MALRD1: variants seen among roughly 807,000 people sequenced by gnomAD.
MALRD1 encodes MAM and LDL receptor class A domain containing 1, also known as MAM and LDL-receptor class A domain-containing protein 1.
MALRD1 carries 247 observed loss-of-function variants against 242.1 expected under a neutral mutation model. The ratio of observed to expected loss-of-function variants is 1.02; its 90% CI spans 0.92 to 1.13. The LOEUF is 1.13. MALRD1 is among the 50% of genes most tolerant of loss of function. The probability of loss-of-function intolerance (pLI) is 0.00; values close to 1 mark genes in which losing one functional copy is unlikely to be tolerated. For missense variants in MALRD1, 2,989 were observed against 2,533.1 expected (o/e 1.18, Z -3.86); for synonymous variants, 995 against 866.6 (o/e 1.15, Z -2.60).
intron 19 of MALRD1, among the ~76,000 whole-genome samples, chr10:19,275,656 G>A (rs541736472): frequency 6.6e-6 from 1 of 152,022 alleles, no homozygotes; most frequent in Non-Finnish European, 1.5e-5. Flanking sequence ...GCGACAGAGC[G>A]AGACTCTGTC....
intron 28 of MALRD1, among the ~76,000 whole-genome samples, chr10:19,433,789 G>C (rs1834241821): frequency 1.3e-5 from 2 of 152,016 alleles, no homozygotes; most frequent in South Asian, 4.1e-4. Context: ...ACAGACAGGG[G>C]CAAATAATGG....
intron 38 of MALRD1, among the ~76,000 whole-genome samples, chr10:19,725,342 T>C (rs1033163154): frequency 1.3e-5 from 2 of 152,150 alleles, no homozygotes; most frequent in Admixed American, 1.3e-4. Flanking sequence ...GACGGGGCTT[T>C]TCCGGCTTTT....
chr10:19,370,397 T>A (rs1413188854), intron 26 of MALRD1, among the ~76,000 whole-genome samples: 2 of 152,114 alleles, frequency 1.3e-5, no homozygotes, highest in African/African-American at 4.8e-5. Context: ...TTCATTTGTC[T>A]CAGTGCTGCT....
At chr10:19,347,653 G>C in intron 24 of MALRD1, 118 bp from the exon 25 acceptor site, 2 of 1,186,812 alleles carry the variant, frequency 1.7e-6, no homozygotes, top group Non-Finnish European at 2.3e-6. Flanking sequence ...TATCAGGATA[G>C]CATTATGAAG....
chr10:19,339,094 G>A (rs1843728095), intron 24 of MALRD1, among the ~76,000 whole-genome samples: 1 of 151,640 alleles, frequency 6.6e-6, no homozygotes, highest in African/African-American at 2.4e-5. Context: ...CTAGGAGGAT[G>A]CTTTTCCTGT....
At chr10:19,531,405 A>G in intron 32 of MALRD1, 54 bp downstream of exon 32, 1 of 1,429,328 alleles carries the variant, frequency 7.0e-7, no homozygotes. Context: ...GACATGTTTA[A>G]ACATTGTCTT....
chr10:19,538,632 TAGC>T (rs1239454890), intron 32 of MALRD1, among the ~76,000 whole-genome samples: 1 of 152,160 alleles, frequency 6.6e-6, no homozygotes. Context: ...GGTCTACAAA[TAGC>T]AGTTAACTTG....
At chr10:19,697,712 A>C (rs1833443454) in intron 38 of MALRD1, among the ~76,000 whole-genome samples, 1 of 152,176 alleles carries the variant, frequency 6.6e-6, no homozygotes, top group Admixed American at 6.6e-5. Flanking sequence ...GCCACAGCCC[A>C]GCAGAGCCAC....
chr10:19,475,966 C>T (rs1049079312), intron 29 of MALRD1, among the ~76,000 whole-genome samples: 15 of 152,162 alleles, frequency 9.9e-5, no homozygotes, highest in African/African-American at 3.6e-4. Flanking sequence ...TTACACACAT[C>T]AGTGATTATT....
At chr10:19,125,760 C>G (rs186428449) in intron 7 of MALRD1, among the ~76,000 whole-genome samples, 253 of 151,748 alleles carry the variant, frequency 1.7e-3, no homozygotes, top group African/African-American at 5.9e-3. Context: ...ATTTTTTGGT[C>G]CTGAGTTACA....
At chr10:19,690,671 C>A (rs1474971732) in intron 36 of MALRD1, among the ~76,000 whole-genome samples, 1 of 151,788 alleles carries the variant, frequency 6.6e-6, no homozygotes, top group East Asian at 1.9e-4. Context: ...GTTTAACTCT[C>A]CATACAACTG....
At position 19,450,425 on chromosome 10, in the gene MALRD1, T is replaced by A. The variant is rs899174231; in HGVS notation, c.4964T>A (p.Ile1655Asn). 5.8e-6 allele frequency: 9 copies of A among 1,550,516 alleles called. No individual in the cohort carries two copies. The African/African-American group carries it at 1.2e-4, about 21-fold the overall frequency. ...AATTTTGAAGTCATATTTCAAGGTA[T>A]CAGAACAAGGGACCTGGGAGGAGGA... is the stretch of plus-strand genomic sequence containing the variant. ...LRNFEVIFQG[I>N]RTRDLGGGAA... Residue 1655 changes from isoleucine (I) to asparagine (N), a missense_variant, in exon 29 of 40, where the codon ATC (isoleucine) becomes AAC (asparagine). By Grantham distance (149) the Ile-to-Asn change is moderately radical (BLOSUM62 -3). Coordinates refer to ENST00000454679, the MANE Select transcript of MALRD1 (RefSeq NM_001142308.3).
At chr10:19,472,859 A>G (rs1268298896) in intron 29 of MALRD1, among the ~76,000 whole-genome samples, 6 of 150,530 alleles carry the variant, frequency 4.0e-5, no homozygotes, top group Non-Finnish European at 8.9e-5. Context: ...TATCTTTTTA[A>G]TTTTTGTCTC....
At chr10:19,693,088 G>C (rs1015570238) in intron 38 of MALRD1, among the ~76,000 whole-genome samples, 5 of 151,758 alleles carry the variant, frequency 3.3e-5, no homozygotes, top group Non-Finnish European at 5.9e-5. Context: ...AATTATAAGA[G>C]CTATTTATGA....
intron 11 of MALRD1, among the ~76,000 whole-genome samples, chr10:19,147,054 G>T (rs539473097): frequency 2.0e-5 from 3 of 151,922 alleles, no homozygotes; most frequent in African/African-American, 7.2e-5. Flanking sequence ...AGAGTGTCTC[G>T]CCATGTTGCC....
At chr10:19,258,561 C>G (rs1032125122) in intron 19 of MALRD1, among the ~76,000 whole-genome samples, 10 of 152,292 alleles carry the variant, frequency 6.6e-5, no homozygotes, top group African/African-American at 2.2e-4. Context: ...CATCCCTGCT[C>G]TATCATCTTA....
intron 36 of MALRD1, among the ~76,000 whole-genome samples, chr10:19,652,552 G>A (rs1230849140): frequency 6.6e-6 from 1 of 152,156 alleles, no homozygotes; most frequent in Non-Finnish European, 1.5e-5. Flanking sequence ...GAAATTCACT[G>A]TGTGCTGTGG....
At chr10:19,147,216 A>G (rs1266861369) in intron 11 of MALRD1, among the ~76,000 whole-genome samples, 1 of 152,192 alleles carries the variant, frequency 6.6e-6, no homozygotes, top group African/African-American at 2.4e-5. Flanking sequence ...CTCATTGAAC[A>G]TTATCCTATT....
Position 19,077,161 on chromosome 10 carries a change from A to G in MALRD1, c.340+10302A>G, listed in dbSNP as rs79145916. Among the ~76,000 whole-genome samples the G allele has an allele frequency of 2.8e-4, 43 of 152,080 alleles. No individual in the cohort carries two copies. The East Asian group carries it at 8.3e-3, about 29-fold the overall frequency. ...TGATTTTATATCCTATATACTTACCAACTTTTACTTTTTACATCATTTATT... is the reference window on the plus strand; with the variant it reads ...TGATTTTATATCCTATATACTTACCGACTTTTACTTTTTACATCATTTATT... On this transcript the variant is annotated intron_variant, in intron 2 of 39. Transcript: ENST00000454679.
Sources: gnomAD v4.1 joint callset for allele counts (sites outside exome capture counted in the v4.1 genomes callset) on GRCh38, gnomAD v4.1.1 for gene constraint, MANE v1.5 for transcripts, NCBI Gene and HGNC (gene_info 2026-07-23, HGNC 2026-07-21) for gene names.